Variants in KCTD8 observed in about 807,000 individuals in gnomAD.
The protein encoded by KCTD8 is BTB/POZ domain-containing protein KCTD8.
Under a neutral mutation model 31.5 loss-of-function variants are expected in KCTD8, and 27 were observed. The observed-to-expected ratio is 0.86, with a 90% confidence interval of 0.63 to 1.18. KCTD8 has a LOEUF of 1.18. KCTD8 is among the 50% of genes most tolerant of loss of function. The pLI is 0.00. For missense variants in KCTD8, 658 were observed against 647.7 expected, an observed-to-expected ratio of 1.02 and a Z score of -0.17; for synonymous variants, 290 against 280.0, an observed-to-expected ratio of 1.04 and a Z score of -0.36.
chr4:44,422,905 T>C (rs1721254189), intron 1 of KCTD8, among the ~76,000 whole-genome samples: 1 of 152,098 alleles, frequency 6.6e-6, no homozygotes, highest in Non-Finnish European at 1.5e-5. Flanking sequence ...GTGGCTGTTG[T>C]GGCTGCTGTT....
intron 1 of KCTD8, among the ~76,000 whole-genome samples, chr4:44,309,820 G>A (rs1304446311): frequency 6.6e-6 from 1 of 152,034 alleles, no homozygotes; most frequent in Admixed American, 6.5e-5. Flanking sequence ...TTGATTCTAA[G>A]AGAATCCATT....
At chr4:44,374,847 T>C (rs890575936) in intron 1 of KCTD8, among the ~76,000 whole-genome samples, 4 of 152,126 alleles carry the variant, frequency 2.6e-5, no homozygotes, top group Non-Finnish European at 2.9e-5. Context: ...CAGATCATCA[T>C]AACAGATATA....
chr4:44,363,322 T>TA (rs34486340), intron 1 of KCTD8, among the ~76,000 whole-genome samples: 29,176 of 152,030 alleles, frequency 0.19, 2,895 homozygotes, highest in Admixed American at 0.25. Flanking sequence ...AAGAGGGCAT[T>TA]AAAAACATAT....
intron 1 of KCTD8, among the ~76,000 whole-genome samples, chr4:44,300,972 T>C (rs886928797): frequency 6.5e-5 from 9 of 139,512 alleles, no homozygotes; most frequent in South Asian, 2.4e-4. Flanking sequence ...CGGTGTTTGG[T>C]TTTTTGTCCT....
Position 44,250,920 on chromosome 4 carries a change from C to T in KCTD8, c.962-75670G>A, listed in dbSNP as rs11932032. ...TGAGTTTTGTCTTTAATTTCATGTA[C>T]GCAAATGTAACATTCTTCATTCTTT... On this transcript the variant is annotated intron_variant, in intron 1 of 1. Transcript: ENST00000360029. Among the ~76,000 whole-genome samples, 964 of 151,740 alleles carry T rather than the reference C, an allele frequency of 6.4e-3. 14 individuals are homozygous for T. Among genetic ancestry groups the T allele is most frequent in the African/African-American group, 0.021 (868 of 41,470 alleles).
intron 1 of KCTD8, among the ~76,000 whole-genome samples, chr4:44,272,068 A>T (rs930676732): frequency 2.0e-5 from 3 of 151,598 alleles, no homozygotes; most frequent in African/African-American, 7.3e-5. Flanking sequence ...GAAGACATAC[A>T]TTGAGTGTCA....
At chr4:44,258,146 T>A (rs1214027702) in intron 1 of KCTD8, among the ~76,000 whole-genome samples, 1 of 151,980 alleles carries the variant, frequency 6.6e-6, no homozygotes, top group Non-Finnish European at 1.5e-5. Flanking sequence ...CAAGTCATGG[T>A]TAATTGTCAC....
intron 1 of KCTD8, among the ~76,000 whole-genome samples, chr4:44,205,558 GT>G (rs1351859596): frequency 6.6e-6 from 1 of 152,114 alleles, no homozygotes; most frequent in East Asian, 1.9e-4. Flanking sequence ...TTTTTTTGCT[GT>G]TTAATACAAG....
At chr4:44,192,760 G>C (rs747288194) in intron 1 of KCTD8, among the ~76,000 whole-genome samples, 1 of 152,130 alleles carries the variant, frequency 6.6e-6, no homozygotes, top group Non-Finnish European at 1.5e-5. Context: ...TGAAATGGGA[G>C]AGGTACACCC....
chr4:44,430,978 AC>A (rs1373394598), intron 1 of KCTD8, among the ~76,000 whole-genome samples: 2 of 151,548 alleles, frequency 1.3e-5, no homozygotes, highest in Non-Finnish European at 3.0e-5. Flanking sequence ...ATTTAGGAGA[AC>A]CTATGAACTT....
chr4:44,385,707 T>C (rs1720195728), intron 1 of KCTD8, among the ~76,000 whole-genome samples: 1 of 151,680 alleles, frequency 6.6e-6, no homozygotes, highest in South Asian at 2.1e-4. Flanking sequence ...CGCATTATTA[T>C]ATCAAAGTTA....
At chr4:44,231,619 T>C (rs74446465) in intron 1 of KCTD8, among the ~76,000 whole-genome samples, 5,411 of 152,282 alleles carry the variant, frequency 0.036, 155 homozygotes, top group Non-Finnish European at 0.047. Context: ...AGCACTATGT[T>C]AGAAGCAGTA....
At chr4:44,289,707 A>T (rs577969505) in intron 1 of KCTD8, among the ~76,000 whole-genome samples, 1 of 152,248 alleles carries the variant, frequency 6.6e-6, no homozygotes, top group Admixed American at 6.5e-5. Context: ...GGGTCTGACC[A>T]GAGAGTACAC....
At chr4:44,410,342 A>G (rs1407680626) in intron 1 of KCTD8, among the ~76,000 whole-genome samples, 1 of 152,160 alleles carries the variant, frequency 6.6e-6, no homozygotes, top group East Asian at 1.9e-4. Flanking sequence ...TAATAAACAC[A>G]TATTAAACTC....
intron 1 of KCTD8, among the ~76,000 whole-genome samples, chr4:44,436,686 T>C (rs1299703721): frequency 6.6e-6 from 1 of 152,060 alleles, no homozygotes; most frequent in African/African-American, 2.4e-5. Context: ...GAAACAGACA[T>C]GAAGTGATGC....
At chr4:44,365,953 T>C (rs1719621034) in intron 1 of KCTD8, among the ~76,000 whole-genome samples, 3 of 151,444 alleles carry the variant, frequency 2.0e-5, no homozygotes, top group Admixed American at 6.6e-5. Flanking sequence ...GGAGCTGCTA[T>C]ACATCACTTT....
At chr4:44,348,964 T>A (rs1719116360) in intron 1 of KCTD8, among the ~76,000 whole-genome samples, 2 of 152,260 alleles carry the variant, frequency 1.3e-5, no homozygotes, top group African/African-American at 4.8e-5. Context: ...TCTTTTTAGA[T>A]ATGTTCTTGA....
At chr4:44,268,230 TG>T (rs1487033459) in intron 1 of KCTD8, among the ~76,000 whole-genome samples, 2 of 152,096 alleles carry the variant, frequency 1.3e-5, no homozygotes, top group Non-Finnish European at 2.9e-5. Flanking sequence ...GATGCAAGGC[TG>T]GTTCAATATA....
intron 1 of KCTD8, among the ~76,000 whole-genome samples, chr4:44,236,785 T>C (rs777681921): frequency 6.6e-6 from 1 of 152,196 alleles, no homozygotes; most frequent in South Asian, 2.1e-4. Flanking sequence ...TCTTGAATTG[T>C]CACTCCCATA....
Sources: gnomAD v4.1 joint callset for allele counts (sites outside exome capture counted in the v4.1 genomes callset) on GRCh38, gnomAD v4.1.1 for gene constraint, MANE v1.5 for transcripts, NCBI Gene and HGNC (gene_info 2026-07-23, HGNC 2026-07-21) for gene names.